Variants in PRKG1 observed in about 807,000 individuals in gnomAD.
The protein encoded by PRKG1 is protein kinase cGMP-dependent 1.
A neutral mutation model predicts 88.1 loss-of-function variants in PRKG1; 35 were observed. The observed-to-expected ratio is 0.40, with a 90% CI of 0.30 to 0.53. PRKG1 has a LOEUF of 0.53. PRKG1 is among the 20% of genes least tolerant of loss of function. PRKG1 has a pLI of 0.59. For synonymous variants in PRKG1, 303 were observed against 292.5 expected, an observed-to-expected ratio of 1.04 and a Z score of -0.37; for missense variants, 540 against 839.8, an observed-to-expected ratio of 0.64 and a Z score of 4.41.
chr10:52,255,763 G>A (rs1293775201), intron 10 of PRKG1, among the ~76,000 whole-genome samples: 1 of 152,010 alleles, frequency 6.6e-6, no homozygotes, highest in African/African-American at 2.4e-5. Flanking sequence ...CTGAGGCAGA[G>A]GGAGAGTTAA....
intron 12 of PRKG1, among the ~76,000 whole-genome samples, chr10:52,278,926 A>C (rs1049749515): frequency 4.0e-5 from 6 of 151,404 alleles, no homozygotes; most frequent in African/African-American, 1.5e-4. Context: ...AAAGAACAAG[A>C]TATATAGTTT....
At chr10:51,694,693 T>A (rs184062518) in intron 3 of PRKG1, among the ~76,000 whole-genome samples, 414 of 152,284 alleles carry the variant, frequency 2.7e-3, no homozygotes, top group Non-Finnish European at 5.1e-3. Context: ...TTATGATGAA[T>A]GAATTGGTGA....
At chr10:51,491,958 G>A (rs1047994918) in intron 3 of PRKG1, among the ~76,000 whole-genome samples, 8 of 152,086 alleles carry the variant, frequency 5.3e-5, no homozygotes, top group Non-Finnish European at 1.2e-4. Flanking sequence ...GAGTGAAAGC[G>A]ATGGTTTTCT....
intron 3 of PRKG1, among the ~76,000 whole-genome samples, chr10:51,477,636 C>T (rs1478354993): frequency 6.6e-6 from 1 of 151,942 alleles, no homozygotes; most frequent in African/African-American, 2.4e-5. Flanking sequence ...CGGCAACGAA[C>T]ATAATGGAGT....
chr10:51,689,271 T>TCTATCTA (rs397816702), intron 3 of PRKG1, among the ~76,000 whole-genome samples: 1 of 151,840 alleles, frequency 6.6e-6, no homozygotes, highest in East Asian at 1.9e-4. Context: ...TATCTATCTA[T>TCTATCTA]ATTTCAAAGC....
chr10:52,224,434 G>C (rs148005669), intron 9 of PRKG1, among the ~76,000 whole-genome samples: 2 of 151,836 alleles, frequency 1.3e-5, no homozygotes, highest in South Asian at 2.1e-4. Flanking sequence ...CCCTTTATTT[G>C]TTTAATTTTA....
intron 3 of PRKG1, among the ~76,000 whole-genome samples, chr10:51,752,610 C>T (rs139544475): frequency 4.6e-5 from 7 of 152,228 alleles, no homozygotes; most frequent in Admixed American, 1.3e-4. Flanking sequence ...TTTGTTTCTA[C>T]GGTTAAATAG....
rs953313181 is a variant in PRKG1 at position 51,029,022 on chromosome 10, C to T, written c.266+37378C>T. ...ATAACTTCCTTCCACTCCTTTTGTC[C>T]ATGGGCAGCTCTGTGTGAATGGAAA... On this transcript the variant is annotated intron_variant, in intron 1 of 17. Coordinates refer to the PRKG1 transcript ENST00000401604. 3.3e-5 allele frequency among the ~76,000 whole-genome samples: 5 copies of T among 152,202 alleles called. No homozygotes were observed. The East Asian group carries it at 9.7e-4, about 29-fold the overall frequency.
At chr10:51,706,905 A>G (rs1015159594) in intron 3 of PRKG1, among the ~76,000 whole-genome samples, 1 of 152,182 alleles carries the variant, frequency 6.6e-6, no homozygotes, top group Non-Finnish European at 1.5e-5. Context: ...TTATTAATCT[A>G]CATTGGTTAT....
At chr10:50,992,711 C>T (rs2660218) in intron 1 of PRKG1, among the ~76,000 whole-genome samples, 132,879 of 152,018 alleles carry the variant, frequency 0.87, 58,186 homozygotes, top group East Asian at 0.94. Context: ...TTGCACTCCA[C>T]TCGTCGCCTT....
intron 2 of PRKG1, among the ~76,000 whole-genome samples, chr10:51,170,182 A>C (rs1846665068): frequency 6.6e-6 from 1 of 152,024 alleles, no homozygotes; most frequent in Non-Finnish European, 1.5e-5. Context: ...TGAAATGCTT[A>C]TTTTGTATAA....
At chr10:51,074,375 C>T, upstream of PRKG1, 1 of 1,283,762 alleles carries the variant, frequency 7.8e-7, no homozygotes, top group South Asian at 1.7e-5. Flanking sequence ...CTGAGCCTCA[C>T]AGCCAGCCCA....
chr10:52,008,125 T>A (rs780798841), intron 5 of PRKG1, among the ~76,000 whole-genome samples: 56 of 152,104 alleles, frequency 3.7e-4, no homozygotes, highest in Middle Eastern at 3.4e-3. Flanking sequence ...CACAGCTAAA[T>A]CAGTATTAAG....
chr10:51,952,274 G>A (rs1447921058), intron 5 of PRKG1, among the ~76,000 whole-genome samples: 1 of 152,176 alleles, frequency 6.6e-6, no homozygotes, highest in Non-Finnish European at 1.5e-5. Context: ...GAATCTAGGA[G>A]CAAAGGCCTG....
chr10:52,273,105 G>A (rs192930447), intron 12 of PRKG1, among the ~76,000 whole-genome samples: 2 of 151,844 alleles, frequency 1.3e-5, no homozygotes, highest in East Asian at 1.9e-4. Flanking sequence ...TTGTCTACAT[G>A]GTGCTTGTTT....
chr10:51,697,462 T>C (rs182181937), intron 3 of PRKG1: 69 of 536,332 alleles, frequency 1.3e-4, no homozygotes, highest in Non-Finnish European at 1.8e-4. Flanking sequence ...AATATAATCA[T>C]GTTCAGAGTT....
intron 5 of PRKG1, among the ~76,000 whole-genome samples, chr10:52,030,858 A>G (rs888416957): frequency 1.3e-5 from 2 of 152,192 alleles, no homozygotes; most frequent in Non-Finnish European, 2.9e-5. Context: ...AAAAAGGAAG[A>G]GGAATTCTAT....
intron 4 of PRKG1, among the ~76,000 whole-genome samples, chr10:51,828,050 A>G (rs146833392): frequency 6.6e-6 from 1 of 152,278 alleles, no homozygotes; most frequent in Non-Finnish European, 1.5e-5. Flanking sequence ...AAAGTCAGTA[A>G]TGACTAATTT....
At chr10:52,259,831 C>T (rs1024625903) in intron 10 of PRKG1, among the ~76,000 whole-genome samples, 5 of 151,960 alleles carry the variant, frequency 3.3e-5, no homozygotes, top group African/African-American at 1.2e-4. Flanking sequence ...GACTGTTTTC[C>T]CTGAAGTAAA....
Sources: gnomAD v4.1 joint callset for allele counts (sites outside exome capture counted in the v4.1 genomes callset) on GRCh38, gnomAD v4.1.1 for gene constraint, MANE v1.5 for transcripts, NCBI Gene and HGNC (gene_info 2026-07-23, HGNC 2026-07-21) for gene names.